Variants in RNF145 observed in about 807,000 individuals in gnomAD.
RNF145 encodes the protein ring finger protein 145.
Under a neutral mutation model 57.3 loss-of-function variants are expected in RNF145, and 12 were observed. The observed-to-expected ratio is 0.21, with a 90% CI of 0.13 to 0.34. The LOEUF is 0.34. Ranked by LOEUF, RNF145 falls within the 10% of genes least tolerant of loss-of-function variation. RNF145 has a pLI of 1.00. For synonymous variants in RNF145, 262 were observed against 288.3 expected, an observed-to-expected ratio of 0.91 and a Z score of 0.92; for missense variants, 429 against 799.0, an observed-to-expected ratio of 0.54 and a Z score of 5.58.
At chr5:159,190,681 C>CAAAAAAAAAAAAAAAAA (rs58247587) in intron 3 of RNF145, among the ~76,000 whole-genome samples, 1 of 87,302 alleles carries the variant, frequency 1.1e-5, no homozygotes, top group Non-Finnish European at 2.2e-5. Context: ...ACAACCATCT[C>CAAAAAAAAAAAAAAAAA]AAAAAAAAAA....
chr5:159,209,646 T>TCGCGCCCGCGGAGTGCTTTC (rs1474544883), upstream of RNF145: 46 of 1,001,438 alleles, frequency 4.6e-5, no homozygotes, highest in Non-Finnish European at 5.8e-5. Flanking sequence ...TCACTCACAA[T>TCGCGCCCGCGGAGTGCTTTC]CGCGCCCGCG....
rs1337054980 is a variant in RNF145, at chr5:159,158,813, T to G, written c.1849A>C (p.Thr617Pro). Reference protein sequence around the residue: ...EGTEPPGQEHTPGTRIQEGSR... With the variant: ...EGTEPPGQEHPPGTRIQEGSR... ...CCTTCCTGTATCCTGGTCCCTGGAG[T>G]ATGCTCCTGGCCTGGGGGTTCAGTA... is the stretch of plus-strand genomic sequence containing the variant. The change falls in exon 11 of 11, where the codon ACT becomes CCT. Residue 617 changes from threonine to proline, a missense_variant. Physicochemically the swap from Thr to Pro is conservative, Grantham distance 38. This residue lies in a region of RNF145 where 102 missense variants were observed against 106.2 expected (regional missense o/e 0.96). Transcript: ENST00000424310. 1 of 1,613,924 alleles carries G rather than the reference T, an allele frequency of 6.2e-7. No homozygotes were observed. Among genetic ancestry groups the G allele is most frequent in the East Asian group, 2.2e-5 (1 of 44,872 alleles).
At chr5:159,162,440 T>C (rs1331041506) in intron 9 of RNF145, among the ~76,000 whole-genome samples, 1 of 118,718 alleles carries the variant, frequency 8.4e-6, no homozygotes, top group Non-Finnish European at 1.7e-5. Flanking sequence ...TTTTTTTTTT[T>C]TTTTTGAGAC....
chr5:159,168,707 T>C (rs1784459023), intron 8 of RNF145, among the ~76,000 whole-genome samples, 166 bp downstream of exon 8: 1 of 152,110 alleles, frequency 6.6e-6, no homozygotes, highest in African/African-American at 2.4e-5. Flanking sequence ...AAGTCAGACA[T>C]CTCATATAGG....
chr5:159,207,980 C>A, intron 1 of RNF145: 1 of 1,574,110 alleles, frequency 6.4e-7, no homozygotes, highest in Non-Finnish European at 8.6e-7. Context: ...ACTGCACACT[C>A]CGTATTTTAA....
intron 3 of RNF145, among the ~76,000 whole-genome samples, chr5:159,185,746 C>T (rs1785034023): frequency 6.6e-6 from 1 of 152,168 alleles, no homozygotes; most frequent in Non-Finnish European, 1.5e-5. Flanking sequence ...TCTTCAGAAA[C>T]AAGAATTCCT....
At chr5:159,194,571 G>T in intron 3 of RNF145, 145 bp downstream of exon 3, 1 of 633,084 alleles carries the variant, frequency 1.6e-6, no homozygotes, top group Non-Finnish European at 2.9e-6. Context: ...TTAATCCTGT[G>T]TAAGATTTGG....
At chr5:159,195,403 G>C (rs565833936) in intron 2 of RNF145, among the ~76,000 whole-genome samples, 1 of 151,856 alleles carries the variant, frequency 6.6e-6, no homozygotes, top group East Asian at 1.9e-4. Context: ...TCAAATGTTT[G>C]AAAAGATCTA....
chr5:159,180,156 G>C (rs1784843199), intron 4 of RNF145, among the ~76,000 whole-genome samples: 1 of 152,100 alleles, frequency 6.6e-6, no homozygotes, highest in Non-Finnish European at 1.5e-5. Context: ...CTCTTACAAT[G>C]ATGTGGTTGT....
intron 8 of RNF145, among the ~76,000 whole-genome samples, chr5:159,166,418 T>C (rs1032936057): frequency 1.3e-5 from 2 of 152,236 alleles, no homozygotes; most frequent in Non-Finnish European, 2.9e-5. Context: ...ATCTCAGTCT[T>C]CCACAGTCAG....
chr5:159,182,201 T>C (rs1042614590), intron 3 of RNF145, 150 bp from the exon 4 acceptor site: 1 of 445,800 alleles, frequency 2.2e-6, no homozygotes, highest in Non-Finnish European at 4.1e-6. Context: ...ATGGCCTTCA[T>C]CTCTGTTTTC....
At chr5:159,179,420 C>G (rs1784815319) in intron 4 of RNF145, among the ~76,000 whole-genome samples, 1 of 151,904 alleles carries the variant, frequency 6.6e-6, no homozygotes, top group Non-Finnish European at 1.5e-5. Context: ...GTTGGCAACC[C>G]TAAGAAATCA....
chr5:159,201,679 T>C (rs762300725), intron 2 of RNF145, among the ~76,000 whole-genome samples: 1 of 152,144 alleles, frequency 6.6e-6, no homozygotes, highest in Non-Finnish European at 1.5e-5. Context: ...TTCAAAACCA[T>C]GTATACCATG....
chr5:159,205,583 T>C (rs1465199610), intron 1 of RNF145, among the ~76,000 whole-genome samples: 2 of 152,202 alleles, frequency 1.3e-5, no homozygotes, highest in Non-Finnish European at 2.9e-5. Flanking sequence ...CAATACCCTC[T>C]TGGGAATTTA....
intron 10 of RNF145, among the ~76,000 whole-genome samples, chr5:159,160,222 G>C (rs1434773635): frequency 6.6e-6 from 1 of 152,118 alleles, no homozygotes; most frequent in African/African-American, 2.4e-5. Context: ...ACAACTAAGA[G>C]AATGGCTACT....
chr5:159,161,149 T>C lies in RNF145; in HGVS notation c.1626+117A>G, dbSNP rs868768818. 8.5e-5 allele frequency: 54 copies of C among 635,800 alleles called. No individual in the cohort carries two copies. The African/African-American group carries it at 8.8e-4, about 10-fold the overall frequency. The allele number at this position is 635,800 out of a possible 1,614,324, so 39.4% of individuals were successfully genotyped here. A position where few individuals can be genotyped will look rare whatever the true frequency, so the allele number is the denominator to read the frequency against. On this transcript the variant is annotated intron_variant, in intron 10 of 10. Transcript: ENST00000424310. ...TAATATAATTTCTGAGGTCCATTTT[T>C]TTTAATCCAGAAGATAATTTTGCCT...
intron 8 of RNF145, among the ~76,000 whole-genome samples, chr5:159,166,539 T>G (rs1038770370): frequency 2.0e-5 from 3 of 152,352 alleles, no homozygotes; most frequent in Admixed American, 1.3e-4. Context: ...TTATTTTGTT[T>G]ATAATGCAAG....
intron 9 of RNF145, 129 bp downstream of exon 9, chr5:159,162,803 A>AAG (rs925978671): frequency 2.8e-5 from 19 of 676,034 alleles, no homozygotes; most frequent in Non-Finnish European, 9.8e-6. Context: ...TGTTCTAGTA[A>AAG]AGAGAGAGAG....
chr5:159,179,101 T>C (rs1334243755), intron 4 of RNF145, among the ~76,000 whole-genome samples: 1 of 152,054 alleles, frequency 6.6e-6, no homozygotes, highest in Non-Finnish European at 1.5e-5. Flanking sequence ...CAATGTAAAC[T>C]TCCTCTAAGC....
Sources: allele counts gnomAD v4.1 joint callset (sites outside exome capture counted in the v4.1 genomes callset), GRCh38; gene constraint gnomAD v4.1.1; regional missense constraint gnomAD v4.1.1; transcripts MANE v1.5; gene names NCBI Gene and HGNC (gene_info 2026-07-23, HGNC 2026-07-21).